Variants in DOCK4 observed in about 807,000 individuals in gnomAD.
DOCK4 encodes dedicator of cytokinesis 4, also known as dedicator of cytokinesis protein 4.
Under a neutral mutation model 268.1 loss-of-function variants are expected in DOCK4, and 97 were observed. That is an observed-to-expected ratio of 0.36 (90% CI 0.31 to 0.43). The LOEUF (loss-of-function observed/expected upper bound fraction) is 0.43, where lower values mean the gene tolerates loss of function less well. DOCK4 is among the 20% of genes least tolerant of loss of function. DOCK4 has a pLI of 1.00. For missense variants in DOCK4, 2,145 were observed against 2,455.7 expected (o/e 0.87, Z 2.67); for synonymous variants, 954 against 887.2 (o/e 1.08, Z -1.34).
chr7:112,169,738 G>A (rs1041290300), intron 1 of DOCK4, among the ~76,000 whole-genome samples: 3 of 152,156 alleles, frequency 2.0e-5, no homozygotes, highest in Admixed American at 1.3e-4. Context: ...GAGAGAAGCA[G>A]AAATTTTTCT....
At chr7:112,182,134 T>C (rs1437173130) in intron 1 of DOCK4, among the ~76,000 whole-genome samples, 1 of 152,164 alleles carries the variant, frequency 6.6e-6, no homozygotes, top group African/African-American at 2.4e-5. Context: ...TATTCCTCAG[T>C]TTCTTGAGCT....
chr7:111,891,853 C>T (rs548238287), intron 16 of DOCK4, among the ~76,000 whole-genome samples: 1 of 152,222 alleles, frequency 6.6e-6, no homozygotes, highest in South Asian at 2.1e-4. Flanking sequence ...TATACATTTG[C>T]ATTTATTATT....
intron 5 of DOCK4, among the ~76,000 whole-genome samples, chr7:111,991,461 C>T (rs971730705): frequency 2.6e-5 from 4 of 152,070 alleles, no homozygotes; most frequent in South Asian, 2.1e-4. Context: ...ATATTAAACA[C>T]TTGGAATAAA....
chr7:111,962,328 T>A (rs1276780227), intron 8 of DOCK4, among the ~76,000 whole-genome samples: 1 of 152,236 alleles, frequency 6.6e-6, no homozygotes, highest in Non-Finnish European at 1.5e-5. Context: ...TTCTAATAAC[T>A]AAGATTTACT....
Position 111,728,273 on chromosome 7 carries a change from CTT to C in DOCK4, c.5927_5928del (p.Ter1976CysfsTer17). On this transcript the variant is annotated frameshift_variant and stop_lost, in exon 53 of 53. Coordinates refer to ENST00000428084, the MANE Select transcript of DOCK4 (RefSeq NM_001363540.2). LOFTEE classifies it high-confidence loss of function. ...RPLPRKVSQL[*>X] The stretch of plus-strand genomic sequence containing the variant: ...GCATCGCAGGTACATAGAAAAGTGA[CTT>C]ATAACTGAGAGACCTTGCGGGGCAG... The C allele has an allele frequency of 6.7e-7, 1 of 1,487,172 alleles. No individual in the cohort carries two copies. Among genetic ancestry groups the C allele is most frequent in the Non-Finnish European group, 8.9e-7 (1 of 1,118,382 alleles). 92.1% of individuals were successfully genotyped at this position (1,487,172 alleles called of 1,614,324 possible). A position where few individuals can be genotyped will look rare whatever the true frequency, so the allele number is the denominator to read the frequency against.
intron 14 of DOCK4, among the ~76,000 whole-genome samples, chr7:111,901,165 C>T (rs1422547871): frequency 6.6e-6 from 1 of 151,966 alleles, no homozygotes; most frequent in African/African-American, 2.4e-5. Context: ...GAAACCCTGT[C>T]TCTACTAAAA....
intron 1 of DOCK4, among the ~76,000 whole-genome samples, chr7:112,190,850 T>A (rs1045662497): frequency 6.6e-6 from 1 of 152,010 alleles, no homozygotes; most frequent in African/African-American, 2.4e-5. Context: ...AGGTACCTAT[T>A]AAGCACACCA....
intron 1 of DOCK4, among the ~76,000 whole-genome samples, chr7:112,162,043 G>A (rs1299150788): frequency 6.6e-6 from 1 of 152,138 alleles, no homozygotes; most frequent in African/African-American, 2.4e-5. Context: ...TTGTATGACA[G>A]TATAAGTACA....
At chr7:111,802,524 C>T (rs1290617555) in intron 30 of DOCK4, among the ~76,000 whole-genome samples, 2 of 152,176 alleles carry the variant, frequency 1.3e-5, no homozygotes, top group African/African-American at 4.8e-5. Flanking sequence ...ACTGAATTTC[C>T]TGCCAGCCGG....
intron 44 of DOCK4, 84 bp downstream of exon 44, chr7:111,746,250 G>A (rs1796256296): frequency 9.2e-7 from 1 of 1,085,374 alleles, no homozygotes; most frequent in African/African-American, 1.6e-5. Flanking sequence ...GACCACTGAT[G>A]CAGGAAACCA....
At chr7:111,893,366 G>A (rs1808452489) in intron 16 of DOCK4, among the ~76,000 whole-genome samples, 1 of 152,196 alleles carries the variant, frequency 6.6e-6, no homozygotes, top group South Asian at 2.1e-4. Flanking sequence ...CACTGCCAAA[G>A]ACACACCCTC....
intron 42 of DOCK4, among the ~76,000 whole-genome samples, chr7:111,751,931 T>A (rs1022292347): frequency 1.1e-4 from 17 of 152,140 alleles, no homozygotes; most frequent in Non-Finnish European, 2.4e-4. Flanking sequence ...ACTAATTTTT[T>A]AAATTTTCTG....
intron 8 of DOCK4, among the ~76,000 whole-genome samples, chr7:111,964,105 G>GA (rs768653021): frequency 4.3e-4 from 64 of 148,604 alleles, no homozygotes; most frequent in Middle Eastern, 7.0e-3. Flanking sequence ...CAAAGATGGG[G>GA]AAAAAAACAG....
chr7:111,901,670 A>C lies in DOCK4; in HGVS notation c.1317+7T>G. 1 of 1,613,360 alleles carries C rather than the reference A, an allele frequency of 6.2e-7. No individual in the cohort carries two copies. ...GTTTGACCTGGAAATATCAAGTATT[A>C]ACATACCTTCAGGGTTTGGCCACTA... On this transcript the variant is annotated splice_region_variant and intron_variant, in intron 14 of 52. Coordinates refer to ENST00000428084, the MANE Select transcript of DOCK4 (RefSeq NM_001363540.2).
rs1293635222 is a variant in DOCK4, at chr7:111,965,028, C to A, written c.701+12104G>T. 6.1e-3 allele frequency among the ~76,000 whole-genome samples: 344 copies of A among 56,138 alleles called. 9 individuals carry two copies. Among genetic ancestry groups the A allele is most frequent in the Non-Finnish European group, 7.6e-3 (273 of 35,734 alleles). The allele number at this position is 56,138 out of a possible 152,430, so 36.8% of individuals were successfully genotyped here. A position where few individuals can be genotyped will look rare whatever the true frequency, so the allele number is the denominator to read the frequency against. On this transcript the variant is annotated intron_variant, in intron 8 of 52. Transcript: ENST00000428084. ...GCTGAGAGATTTTGTCACCACCAGG[C>A]CTGCCCTAAAAGAGCTCCTGAAGGA...
intron 1 of DOCK4, among the ~76,000 whole-genome samples, chr7:112,081,948 T>A (rs1033573552): frequency 6.6e-6 from 1 of 152,156 alleles, no homozygotes; most frequent in Non-Finnish European, 1.5e-5. Flanking sequence ...CTGCTCTGCC[T>A]CTTACCAGCT....
intron 1 of DOCK4, among the ~76,000 whole-genome samples, chr7:112,203,838 C>CACACGCCTA (rs1177179619): frequency 7.6e-6 from 1 of 132,316 alleles, no homozygotes; most frequent in Non-Finnish European, 1.6e-5. Flanking sequence ...CACACACACA[C>CACACGCCTA]ACACACACAC....
chr7:111,986,134 C>T (rs1799036085), intron 6 of DOCK4, among the ~76,000 whole-genome samples: 2 of 152,130 alleles, frequency 1.3e-5, no homozygotes, highest in South Asian at 4.1e-4. Context: ...AAAGACTGGC[C>T]AGCAGCTTAT....
At chr7:111,841,517 TCA>T (rs764267711) in intron 25 of DOCK4, among the ~76,000 whole-genome samples, 31 of 151,978 alleles carry the variant, frequency 2.0e-4, no homozygotes, top group African/African-American at 7.2e-4. Flanking sequence ...TTGACCAACA[TCA>T]CAGAGTCAGT....
Sources: gnomAD v4.1 joint callset for allele counts (sites outside exome capture counted in the v4.1 genomes callset) on GRCh38, gnomAD v4.1.1 for gene constraint, MANE v1.5 for transcripts, NCBI Gene and HGNC (gene_info 2026-07-23, HGNC 2026-07-21) for gene names.